USP14: variants seen among roughly 807,000 people sequenced by gnomAD.
USP14 encodes ubiquitin specific peptidase 14.
A neutral mutation model predicts 76.5 loss-of-function variants in USP14; 38 were observed. That is an observed-to-expected ratio of 0.50 (90% CI 0.38 to 0.65). USP14 has a LOEUF of 0.65. Among genes scored for constraint, USP14 ranks in the 30% least tolerant of loss-of-function variants. The pLI is 0.00. For synonymous variants in USP14, 192 were observed against 191.7 expected, an observed-to-expected ratio of 1.00 and a Z score of -0.01; for missense variants, 467 against 586.5, an observed-to-expected ratio of 0.80 and a Z score of 2.10.
At chr18:199,638 T>G (rs938573250) in intron 10 of USP14, among the ~76,000 whole-genome samples, 15 of 152,178 alleles carry the variant, frequency 9.9e-5, no homozygotes, top group African/African-American at 3.6e-4. Context: ...TTTCTAGGTG[T>G]GGGAAGGCTG....
rs539475779 is a variant in USP14, at chr18:172,694, A to T, written c.195+5875A>T. Among the ~76,000 whole-genome samples the T allele has an allele frequency of 3.3e-5, 5 of 152,044 alleles. No individual in the cohort carries two copies. In the South Asian group the frequency reaches 1.0e-3, roughly 32 times the overall value. On this transcript the variant is annotated intron_variant, in intron 3 of 15. Transcript: ENST00000261601. ...CACCTGCAAGAAGATCATTAACTGA[A>T]GGCTTAGATGATTGTCAGCTTTTTT...
chr18:178,797 C>A (rs960137000), intron 3 of USP14, 136 bp from the exon 4 acceptor site: 1 of 579,254 alleles, frequency 1.7e-6, no homozygotes, highest in Non-Finnish European at 3.0e-6. Context: ...AGCAACTAAT[C>A]TACTTTCTGC....
chr18:188,992 A>C (rs1320170700), intron 5 of USP14, among the ~76,000 whole-genome samples: 1 of 151,998 alleles, frequency 6.6e-6, no homozygotes, highest in Admixed American at 6.6e-5. Flanking sequence ...GGGGTATTTT[A>C]AATGTACTTA....
intron 5 of USP14, among the ~76,000 whole-genome samples, chr18:188,507 C>CTTTTT (rs1157960535): frequency 2.4e-5 from 3 of 122,482 alleles, no homozygotes; most frequent in Admixed American, 8.3e-5. Flanking sequence ...CTCCCTCTGG[C>CTTTTT]TTTTTTTTTT....
intron 5 of USP14, among the ~76,000 whole-genome samples, chr18:180,863 C>G (rs61560798): frequency 0.018 from 1,607 of 91,110 alleles, no homozygotes; most frequent in South Asian, 0.026. Context: ...GGTTCATTCA[C>G]GTTACAGCAC....
chr18:177,818 TTAAA>T (rs1191224905), intron 3 of USP14, among the ~76,000 whole-genome samples: 10 of 152,178 alleles, frequency 6.6e-5, no homozygotes, highest in African/African-American at 2.4e-4. Flanking sequence ...TGCATATGTA[TTAAA>T]TAAAAGTATT....
chr18:212,594 T>A lies in USP14; in HGVS notation c.*1310T>A, dbSNP rs1172181426. 4 of 144,572 alleles carry A rather than the reference T, an allele frequency of 2.8e-5. No homozygotes were observed. The highest frequency in any genetic ancestry group is 6.3e-5 in the Non-Finnish European group (4 of 63,516). 9.0% of individuals were successfully genotyped at this position (144,572 alleles called of 1,614,324 possible). ...ACTCCAGCCTGGGTGACAGAGAGAC[T>A]CTGTCTCAAAAAAAAAAAGAAAAAA... On this transcript the variant is annotated 3_prime_UTR_variant, in exon 16 of 16. Transcript: ENST00000261601.
At position 197,526 on chromosome 18, in the gene USP14, T is replaced by A; in HGVS notation, c.595-90T>A. 5 of 1,007,066 alleles carry A rather than the reference T, an allele frequency of 5.0e-6. No individual in the cohort carries two copies. The South Asian group carries it at 7.8e-5, about 16-fold the overall frequency. The allele number at this position is 1,007,066 out of a possible 1,614,324, so 62.4% of individuals were successfully genotyped here. ...AATATTTTTAAAGAAGGAAACCACT[T>A]TCTTGCCTAGGAGACAGTGATTATT... On this transcript the variant is annotated intron_variant, in intron 7 of 15. Transcript: ENST00000261601.
At chr18:177,521 A>AT (rs1909660116) in intron 3 of USP14, among the ~76,000 whole-genome samples, 1 of 151,722 alleles carries the variant, frequency 6.6e-6, no homozygotes, top group Admixed American at 6.6e-5. Flanking sequence ...ATAAAAGGTG[A>AT]TAGAATAAAG....
At chr18:178,252 A>T (rs1462467911) in intron 3 of USP14, among the ~76,000 whole-genome samples, 1 of 152,088 alleles carries the variant, frequency 6.6e-6, no homozygotes, top group Non-Finnish European at 1.5e-5. Flanking sequence ...ACTGGACTCC[A>T]ACCATCCACT....
intron 13 of USP14, among the ~76,000 whole-genome samples, chr18:209,029 A>G (rs1428664734): frequency 6.6e-6 from 1 of 152,172 alleles, no homozygotes; most frequent in Non-Finnish European, 1.5e-5. Context: ...CCTAAATTAT[A>G]TTAAATTTAA....
chr18:208,108 TTA>T (rs1277014694), intron 13 of USP14, among the ~76,000 whole-genome samples: 1 of 151,826 alleles, frequency 6.6e-6, no homozygotes, highest in African/African-American at 2.4e-5. Flanking sequence ...TTATTTTTAT[TTA>T]TTTTTTTTCT....
chr18:174,960 G>A (rs1453601546), intron 3 of USP14, among the ~76,000 whole-genome samples: 1 of 152,052 alleles, frequency 6.6e-6, no homozygotes, highest in Non-Finnish European at 1.5e-5. Context: ...GTTTTTAGTA[G>A]AGATGGGGTT....
intron 9 of USP14, among the ~76,000 whole-genome samples, chr18:198,698 G>A (rs1910307304): frequency 6.6e-6 from 1 of 151,990 alleles, no homozygotes; most frequent in Admixed American, 6.6e-5. Context: ...CTTTAGCAGA[G>A]TCTACCTCAT....
intron 1 of USP14, among the ~76,000 whole-genome samples, chr18:160,988 C>T (rs916115167): frequency 2.3e-4 from 35 of 152,060 alleles, no homozygotes; most frequent in African/African-American, 8.5e-4. Flanking sequence ...AGTGCAATGG[C>T]GCGATGTTGG....
chr18:195,713 T>C (rs1910212400), intron 6 of USP14, among the ~76,000 whole-genome samples: 1 of 152,270 alleles, frequency 6.6e-6, no homozygotes, highest in Admixed American at 6.5e-5. Context: ...GTTGAGTAGA[T>C]GAGAACCAAC....
chr18:169,985 A>T (rs560012300), intron 3 of USP14, among the ~76,000 whole-genome samples: 12 of 152,092 alleles, frequency 7.9e-5, no homozygotes, highest in African/African-American at 2.9e-4. Flanking sequence ...CTGAGACAAG[A>T]CAGTATTGAA....
At chr18:184,111 A>T (rs1909861522) in intron 5 of USP14, among the ~76,000 whole-genome samples, 1 of 152,212 alleles carries the variant, frequency 6.6e-6, no homozygotes, top group South Asian at 2.1e-4. Flanking sequence ...AAACCAAAAG[A>T]AGTATTTTTT....
chr18:174,827 G>A (rs1048134646), intron 3 of USP14, among the ~76,000 whole-genome samples: 1 of 152,088 alleles, frequency 6.6e-6, no homozygotes, highest in East Asian at 1.9e-4. Context: ...CTAGGCTGGA[G>A]TGCAGTGACG....
Sources: allele counts gnomAD v4.1 joint callset (sites outside exome capture counted in the v4.1 genomes callset), GRCh38; gene constraint gnomAD v4.1.1; transcripts MANE v1.5; gene names NCBI Gene and HGNC (gene_info 2026-07-23, HGNC 2026-07-21).